The following CUL4A variants were observed in gnomAD, a reference collection of about 807,000 sequenced individuals.
CUL4A encodes the protein cullin-4A.
A neutral mutation model predicts 95.5 loss-of-function variants in CUL4A; 16 were observed. That is an observed-to-expected ratio of 0.17 (90% confidence interval 0.11 to 0.25). The LOEUF is 0.25. CUL4A is among the 10% of genes least tolerant of loss of function. The probability of loss-of-function intolerance (pLI) is 1.00; values close to 1 mark genes in which losing one functional copy is unlikely to be tolerated. For missense variants in CUL4A, 610 were observed against 937.0 expected (o/e 0.65, Z 4.56); for synonymous variants, 380 against 353.1 (o/e 1.08, Z -0.85).
intron 3 of CUL4A, among the ~76,000 whole-genome samples, chr13:113,225,674 C>T (rs2041075896): frequency 6.6e-6 from 1 of 152,198 alleles, no homozygotes; most frequent in Non-Finnish European, 1.5e-5. Context: ...CCCGCCTGCC[C>T]GCAGAGAGGC....
At position 113,239,542 on chromosome 13, in the gene CUL4A, G is replaced by A. The variant is rs1376500922; in HGVS notation, c.1026G>A (p.Glu342=). The change falls in exon 10 of 20, where the codon GAG becomes GAA. Residue 342 remains glutamate, a synonymous_variant. Coordinates refer to ENST00000375440, the MANE Select transcript of CUL4A (RefSeq NM_001008895.4). The part of the protein sequence containing the change: ...GQQALLQHWS[E]YIKTFGTAIV... ...AGGCGCTGCTGCAGCACTGGAGCGA[G>A]TACATCAAGGTACTGGCGGGGTTTT... 1.9e-6 allele frequency: 3 copies of A among 1,610,994 alleles called. No individual in the cohort carries two copies. In the Admixed American group the frequency reaches 5.0e-5, roughly 27 times the overall value.
At chr13:113,245,275 AGTATCTGTTAGT>A in intron 14 of CUL4A, 38 bp downstream of exon 14, 1 of 1,565,048 alleles carries the variant, frequency 6.4e-7, no homozygotes, top group Non-Finnish European at 8.8e-7. Context: ...CTTTTTAAAA[AGTATCTGTTAGT>A]GTGGTGGCTC....
intron 2 of CUL4A, among the ~76,000 whole-genome samples, chr13:113,211,443 G>C (rs1214807735): frequency 6.6e-6 from 1 of 152,234 alleles, no homozygotes; most frequent in Non-Finnish European, 1.5e-5. Context: ...GGAGTGCCAT[G>C]GCACGATCTT....
chr13:113,243,185 T>C, intron 11 of CUL4A, 25 bp downstream of exon 11: 1 of 1,572,576 alleles, frequency 6.4e-7, no homozygotes, highest in South Asian at 1.1e-5. Context: ...GTTTTTTTTG[T>C]TTGTTTGTTT....
chr13:113,208,682 C>T (rs982082353), upstream of CUL4A: 1 of 1,572,260 alleles, frequency 6.4e-7, no homozygotes, highest in Non-Finnish European at 8.6e-7. Flanking sequence ...CTCAAGCGGG[C>T]CAGCTGGCGT....
Position 113,254,997 on chromosome 13 carries a change from A to T in CUL4A, c.1903A>T (p.Lys635Ter), listed in dbSNP as rs763571765. The change falls in exon 18 of 20, where the codon AAA becomes TAA. Residue 635 changes from lysine to a stop codon, truncating the protein, a stop_gained. Coordinates refer to ENST00000375440, the MANE Select transcript of CUL4A (RefSeq NM_001008895.4). LOFTEE classifies it high-confidence loss of function. ...AACGCTGCAGTCCCTGGCCTGTGGCAAAGCACGTGTGCTGATTAAAAGTCC... is the reference window on the plus strand; with the variant it reads ...AACGCTGCAGTCCCTGGCCTGTGGCTAAGCACGTGTGCTGATTAAAAGTCC... ...RRTLQSLACG[K>*]ARVLIKSPKG... is the part of the protein sequence containing the mutation. 6.2e-7 allele frequency: 1 copy of T among 1,614,042 alleles called. No homozygotes were observed. The highest frequency in any genetic ancestry group is 8.5e-7 in the Non-Finnish European group (1 of 1,179,960).
upstream of CUL4A, among the ~76,000 whole-genome samples, chr13:113,209,383 C>T (rs1213776240): frequency 6.7e-6 from 1 of 150,150 alleles, no homozygotes; most frequent in Non-Finnish European, 1.5e-5. Flanking sequence ...GGCGCGCGCC[C>T]TCGAGCCAGG....
At chr13:113,213,413 G>A (rs1312391124) in intron 2 of CUL4A, among the ~76,000 whole-genome samples, 3 of 152,076 alleles carry the variant, frequency 2.0e-5, no homozygotes, top group African/African-American at 4.8e-5. Flanking sequence ...CTGTTGCTTC[G>A]TATATTTTGC....
In CUL4A at chr13:113,266,515, A is replaced by G. The variant is rs2042398227; in HGVS notation, c.*2933A>G. Reference sequence around the variant, plus strand: ...TTCCTTTAAAACACAAGCGGATTCTAAAGTTAAAACAGAAAAGCAAATATG... The same window carrying G: ...TTCCTTTAAAACACAAGCGGATTCTGAAGTTAAAACAGAAAAGCAAATATG... On this transcript the variant is annotated 3_prime_UTR_variant, in exon 20 of 20. Coordinates refer to ENST00000375440, the MANE Select transcript of CUL4A (RefSeq NM_001008895.4). 1.3e-5 allele frequency: 2 copies of G among 152,376 alleles called. No homozygotes were observed. The highest frequency in any genetic ancestry group is 4.1e-4 in the South Asian group (2 of 4,832). 9.4% of individuals were successfully genotyped at this position (152,376 alleles called of 1,614,324 possible).
chr13:113,214,151 A>G (rs892862677), intron 2 of CUL4A, among the ~76,000 whole-genome samples: 1 of 151,612 alleles, frequency 6.6e-6, no homozygotes, highest in African/African-American at 2.4e-5. Context: ...GGTTTTGCTC[A>G]CTCTCCCTCT....
At chr13:113,228,784 C>T (rs890151873) in intron 4 of CUL4A, among the ~76,000 whole-genome samples, 1 of 152,020 alleles carries the variant, frequency 6.6e-6, no homozygotes, top group Non-Finnish European at 1.5e-5. Context: ...AAGCTAAGTG[C>T]ATCTCCCTAA....
chr13:113,209,638 A>G lies in CUL4A; in HGVS notation c.11A>G (p.Glu4Gly). The G allele has an allele frequency of 2.7e-6, 3 of 1,092,940 alleles. No homozygotes were observed. The highest frequency in any genetic ancestry group is 2.2e-6 in the Non-Finnish European group (2 of 901,296). 67.7% of individuals were successfully genotyped at this position (1,092,940 alleles called of 1,614,324 possible). The change falls in exon 1 of 20, where the codon GAG becomes GGG. Residue 4 changes from glutamate (E) to glycine (G), a missense_variant. This residue lies in a region of CUL4A where 168 missense variants were observed against 185.5 expected (regional missense o/e 0.91). Transcript: ENST00000375440. The stretch of plus-strand genomic sequence containing the variant: ...GGTTCCGGCCCAGCCATGGCGGACG[A>G]GGCCCCGCGGAAGGGCAGCTTCTCG... Reference protein sequence around the residue: MADEAPRKGSFSAL... With the variant: MADGAPRKGSFSAL...
intron 8 of CUL4A, among the ~76,000 whole-genome samples, chr13:113,235,766 C>A (rs143294874): frequency 6.6e-6 from 1 of 151,882 alleles, no homozygotes; most frequent in African/African-American, 2.4e-5. Context: ...GTCAGGAGAT[C>A]GAGACCATCC....
At chr13:113,256,660 A>G (rs960337028) in intron 18 of CUL4A, among the ~76,000 whole-genome samples, 1 of 152,160 alleles carries the variant, frequency 6.6e-6, no homozygotes, top group African/African-American at 2.4e-5. Flanking sequence ...TAATCTTTCT[A>G]ATGCTCAGTT....
At chr13:113,235,786 T>C (rs565775215) in intron 8 of CUL4A, among the ~76,000 whole-genome samples, 22 of 151,892 alleles carry the variant, frequency 1.4e-4, no homozygotes, top group South Asian at 1.2e-3. Context: ...CTGACCAACA[T>C]GGTGAAACCC....
chr13:113,234,620 T>C (rs1040122063), intron 7 of CUL4A, among the ~76,000 whole-genome samples: 3 of 152,218 alleles, frequency 2.0e-5, no homozygotes, highest in African/African-American at 7.2e-5. Context: ...GGGCGTACTT[T>C]GAGGTCTCCT....
At chr13:113,255,784 C>T (rs970925333) in intron 18 of CUL4A, among the ~76,000 whole-genome samples, 6 of 152,342 alleles carry the variant, frequency 3.9e-5, no homozygotes, top group Admixed American at 3.9e-4. Context: ...GGATGCATCA[C>T]AACTTATCCC....
At position 113,233,351 on chromosome 13, in the gene CUL4A, C is replaced by T. The variant is rs778011331; in HGVS notation, c.675+12C>T. On this transcript the variant is annotated intron_variant, in intron 6 of 19. Transcript: ENST00000375440. ...TGTCTGACCTGCAGGTGAGTGCTGCCTGTGCGGAAGATACCTGGGTACCTG... is the reference window on the plus strand; with the variant it reads ...TGTCTGACCTGCAGGTGAGTGCTGCTTGTGCGGAAGATACCTGGGTACCTG... 1.9e-6 allele frequency: 3 copies of T among 1,610,744 alleles called. No individual in the cohort carries two copies. The highest frequency in any genetic ancestry group is 2.5e-6 in the Non-Finnish European group (3 of 1,178,940).
chr13:113,221,026 G>A (rs1424455723), intron 3 of CUL4A, among the ~76,000 whole-genome samples: 1 of 152,240 alleles, frequency 6.6e-6, no homozygotes, highest in Non-Finnish European at 1.5e-5. Flanking sequence ...GCCAGGAATG[G>A]TGGCATGTGA....
Sources: allele counts gnomAD v4.1 joint callset (sites outside exome capture counted in the v4.1 genomes callset), GRCh38; gene constraint gnomAD v4.1.1; regional missense constraint gnomAD v4.1.1; transcripts MANE v1.5; gene names NCBI Gene and HGNC (gene_info 2026-07-23, HGNC 2026-07-21).